The following WWOX variants were observed in gnomAD, a reference collection of about 807,000 sequenced individuals.
WWOX encodes WW domain-containing oxidoreductase.
In WWOX, 69 loss-of-function variants were observed where a neutral mutation model predicts 46.2. That is an observed-to-expected ratio of 1.49 (90% CI 1.23 to 1.82). The LOEUF is 1.82. Among genes scored for constraint, WWOX ranks in the 40% most tolerant of loss-of-function variants. WWOX has a pLI of 0.00. For synonymous variants in WWOX, 359 were observed against 202.6 expected (o/e 1.77, Z -6.56); for missense variants, 919 against 542.6 (o/e 1.69, Z -6.89).
At chr16:79,096,976 G>C (rs1197925487) in intron 8 of WWOX, among the ~76,000 whole-genome samples, 3 of 152,142 alleles carry the variant, frequency 2.0e-5, no homozygotes, top group Non-Finnish European at 4.4e-5. Flanking sequence ...AAGCCAGGAA[G>C]GGGGCATGCT....
intron 5 of WWOX, among the ~76,000 whole-genome samples, chr16:78,222,667 C>G (rs772795876): frequency 6.6e-6 from 1 of 152,152 alleles, no homozygotes; most frequent in Non-Finnish European, 1.5e-5. Context: ...GAGGCTGGCC[C>G]ATTGTTACAA....
chr16:78,785,967 C>T lies in WWOX; in HGVS notation c.1056+353215C>T, dbSNP rs142197783. On this transcript the variant is annotated intron_variant, in intron 8 of 8. Coordinates refer to ENST00000566780, the MANE Select transcript of WWOX (RefSeq NM_016373.4). The stretch of plus-strand genomic sequence containing the variant: ...TGTCGCCCAGGCTGGAGTGCAGTGG[C>T]GCGATCTCTGCTCACCGCAACCTCC... Among the ~76,000 whole-genome samples, 28 of 152,210 alleles carry T rather than the reference C, an allele frequency of 1.8e-4. No individual in the cohort carries two copies. In the East Asian group the frequency reaches 2.7e-3, roughly 15 times the overall value.
intron 8 of WWOX, among the ~76,000 whole-genome samples, chr16:79,176,185 C>G (rs927983616): frequency 6.6e-6 from 1 of 152,158 alleles, no homozygotes; most frequent in African/African-American, 2.4e-5. Context: ...ATAGCTGAAA[C>G]CCCCAAAGGG....
At position 78,527,991 on chromosome 16, in the gene WWOX, C is replaced by CTTTTTTTTTTTTTTTT. The variant is rs71140808; in HGVS notation, c.1056+95249_1056+95264dup. 9.5e-3 allele frequency among the ~76,000 whole-genome samples: 331 copies of CTTTTTTTTTTTTTTTT among 34,860 alleles called. 53 individuals carry two copies. Among genetic ancestry groups the CTTTTTTTTTTTTTTTT allele is most frequent in the Non-Finnish European group, 0.013 (236 of 18,682 alleles). 22.9% of individuals were successfully genotyped at this position (34,860 alleles called of 152,430 possible). ...CTATGTCACAGGACTGGTACATGTC[C>CTTTTTTTTTTTTTTTT]TTTTTTTTTTTTTTTTTTTTTTTTT... On this transcript the variant is annotated intron_variant, in intron 8 of 8. Coordinates refer to ENST00000566780, the MANE Select transcript of WWOX (RefSeq NM_016373.4).
chr16:78,202,897 G>A (rs1187283527), intron 5 of WWOX, among the ~76,000 whole-genome samples: 1 of 150,996 alleles, frequency 6.6e-6, no homozygotes, highest in Non-Finnish European at 1.5e-5. Context: ...GAATAAATGA[G>A]CAATTATTTT....
At chr16:78,693,632 G>A (rs1342138469) in intron 8 of WWOX, among the ~76,000 whole-genome samples, 1 of 152,182 alleles carries the variant, frequency 6.6e-6, no homozygotes, top group Non-Finnish European at 1.5e-5. Context: ...GGCAATGTCT[G>A]GAGACATTGT....
At chr16:78,651,302 G>T (rs932765026) in intron 8 of WWOX, among the ~76,000 whole-genome samples, 1 of 152,224 alleles carries the variant, frequency 6.6e-6, no homozygotes, top group African/African-American at 2.4e-5. Context: ...GAGCCCTGAG[G>T]TGCCAGAAGG....
chr16:78,631,437 C>T (rs1359816629), intron 8 of WWOX, among the ~76,000 whole-genome samples: 1 of 151,990 alleles, frequency 6.6e-6, no homozygotes, highest in Non-Finnish European at 1.5e-5. Context: ...AGAATTAGGA[C>T]AGATGTATGA....
chr16:78,766,841 A>G (rs1055523188), intron 8 of WWOX, among the ~76,000 whole-genome samples: 84 of 152,330 alleles, frequency 5.5e-4, no homozygotes, highest in African/African-American at 1.9e-3. Context: ...TGTAAAATTC[A>G]TAGTCATTAA....
intron 8 of WWOX, among the ~76,000 whole-genome samples, chr16:78,812,846 T>A (rs1235469364): frequency 1.3e-5 from 2 of 152,216 alleles, no homozygotes; most frequent in Admixed American, 1.3e-4. Flanking sequence ...ACTTTTTAAA[T>A]ATTTTCCCCT....
At chr16:78,857,901 C>G (rs778654826) in intron 8 of WWOX, among the ~76,000 whole-genome samples, 7 of 152,018 alleles carry the variant, frequency 4.6e-5, no homozygotes, top group Non-Finnish European at 1.0e-4. Flanking sequence ...CCATTCTGTA[C>G]CAGAAAATAC....
intron 8 of WWOX, among the ~76,000 whole-genome samples, chr16:78,463,697 CA>C (rs550391874): frequency 1.4e-4 from 21 of 152,298 alleles, no homozygotes; most frequent in Non-Finnish European, 2.6e-4. Flanking sequence ...GATACTCTGT[CA>C]TCTGGCTCTC....
chr16:78,716,286 C>T (rs1458722655), intron 8 of WWOX, among the ~76,000 whole-genome samples: 2 of 152,066 alleles, frequency 1.3e-5, no homozygotes, highest in Non-Finnish European at 2.9e-5. Flanking sequence ...CTCCTGAAGG[C>T]AGGAAGCATC....
intron 8 of WWOX, among the ~76,000 whole-genome samples, chr16:78,977,974 C>G (rs1566883): frequency 9.3e-6 from 1 of 107,444 alleles, no homozygotes; most frequent in Non-Finnish European, 2.2e-5. Flanking sequence ...GTGTAAATAC[C>G]GCATCTATTT....
At chr16:78,588,697 C>T (rs920222434) in intron 8 of WWOX, among the ~76,000 whole-genome samples, 13 of 152,146 alleles carry the variant, frequency 8.5e-5, no homozygotes, top group African/African-American at 2.9e-4. Context: ...CTCTTAATGC[C>T]TTTAACATCT....
chr16:79,208,181 G>A (rs1039167686), intron 8 of WWOX, among the ~76,000 whole-genome samples: 4 of 152,114 alleles, frequency 2.6e-5, no homozygotes, highest in Non-Finnish European at 5.9e-5. Context: ...GTTCTCCTCT[G>A]GCAGCTCACA....
chr16:79,080,920 A>G (rs2048749151), intron 8 of WWOX, among the ~76,000 whole-genome samples: 1 of 152,212 alleles, frequency 6.6e-6, no homozygotes, highest in Admixed American at 6.5e-5. Flanking sequence ...AAATTAAGAT[A>G]ATAATTTATT....
intron 8 of WWOX, among the ~76,000 whole-genome samples, chr16:78,772,936 G>C (rs2050099141): frequency 6.6e-6 from 1 of 152,104 alleles, no homozygotes; most frequent in Non-Finnish European, 1.5e-5. Context: ...GAGGTGGGAG[G>C]ATTGCTTGGG....
At chr16:78,887,719 G>A (rs539327425) in intron 8 of WWOX, among the ~76,000 whole-genome samples, 5 of 152,150 alleles carry the variant, frequency 3.3e-5, no homozygotes, top group Non-Finnish European at 7.4e-5. Context: ...TTCCAGATGT[G>A]ACAAAACAAA....
Sources: gnomAD v4.1 joint callset for allele counts (sites outside exome capture counted in the v4.1 genomes callset) on GRCh38, gnomAD v4.1.1 for gene constraint, MANE v1.5 for transcripts, NCBI Gene and HGNC (gene_info 2026-07-23, HGNC 2026-07-21) for gene names.